Variants in CENPW observed in about 807,000 individuals in gnomAD.
CENPW encodes the protein cancer-up-regulated gene 2 protein.
Under a neutral mutation model 11.1 loss-of-function variants are expected in CENPW, and 3 were observed. The ratio of observed to expected loss-of-function variants is 0.27; its 90% CI spans 0.12 to 0.70. The LOEUF is 0.70. Ranked by LOEUF, CENPW falls within the 30% of genes least tolerant of loss-of-function variation. The probability of loss-of-function intolerance (pLI) is 0.77; values close to 1 mark genes in which losing one functional copy is unlikely to be tolerated. For synonymous variants in CENPW, 38 were observed against 42.0 expected (o/e 0.91, Z 0.37); for missense variants, 100 against 105.6 (o/e 0.95, Z 0.23).
At chr6:126,452,726 A>G in the CENPW span, among the ~76,000 whole-genome samples, 2 of 151,092 alleles carry the variant, frequency 1.3e-5, no homozygotes, top group South Asian at 2.1e-4. Flanking sequence ...TTTGAAAATA[A>G]TGTCTAAAAA....
At chr6:126,357,880 T>C in the CENPW span, among the ~76,000 whole-genome samples, 1 of 152,228 alleles carries the variant, frequency 6.6e-6, no homozygotes, top group African/African-American at 2.4e-5. Flanking sequence ...GTGCTGGAAT[T>C]ACAGGTGTGA....
the CENPW span, among the ~76,000 whole-genome samples, chr6:126,356,695 G>C: frequency 1.6e-4 from 24 of 152,074 alleles, no homozygotes; most frequent in Non-Finnish European, 2.8e-4. Flanking sequence ...TAGTGATGAT[G>C]AATACCTTTT....
At chr6:126,392,625 C>A in the CENPW span, among the ~76,000 whole-genome samples, 1 of 151,938 alleles carries the variant, frequency 6.6e-6, no homozygotes, top group Non-Finnish European at 1.5e-5. Flanking sequence ...ATGTGTTGAA[C>A]CATCCTTGCA....
At chr6:126,386,049 A>G in the CENPW span, among the ~76,000 whole-genome samples, 1 of 152,110 alleles carries the variant, frequency 6.6e-6, no homozygotes, top group Non-Finnish European at 1.5e-5. Context: ...GAAATATAGA[A>G]TATTATAACA....
chr6:126,357,355 C>T, the CENPW span, among the ~76,000 whole-genome samples: 6 of 152,070 alleles, frequency 3.9e-5, no homozygotes, highest in South Asian at 2.1e-4. Flanking sequence ...TTTGGAATCA[C>T]GTGGTATGAT....
the CENPW span, among the ~76,000 whole-genome samples, chr6:126,433,766 T>G: frequency 6.6e-6 from 1 of 152,102 alleles, no homozygotes; most frequent in Non-Finnish European, 1.5e-5. Flanking sequence ...ATAGCAAGTT[T>G]TAGTCTTAAA....
At chr6:126,377,916 A>C in the CENPW span, among the ~76,000 whole-genome samples, 1 of 152,184 alleles carries the variant, frequency 6.6e-6, no homozygotes, top group African/African-American at 2.4e-5. Context: ...GGGAGCACAT[A>C]ACCCCATAAT....
chr6:126,360,375 C>A, the CENPW span, among the ~76,000 whole-genome samples: 1 of 151,986 alleles, frequency 6.6e-6, no homozygotes, highest in Admixed American at 6.6e-5. Flanking sequence ...TTCTCATTGA[C>A]CTTGGAGAAT....
At chr6:126,359,126 A>G in the CENPW span, among the ~76,000 whole-genome samples, 1 of 151,954 alleles carries the variant, frequency 6.6e-6, no homozygotes, top group South Asian at 2.1e-4. Flanking sequence ...GGTAAGTTAT[A>G]TCCCTATTTT....
the CENPW span, among the ~76,000 whole-genome samples, chr6:126,447,790 C>T: frequency 6.6e-6 from 1 of 151,152 alleles, no homozygotes; most frequent in Non-Finnish European, 1.5e-5. Flanking sequence ...CTCTATCTAC[C>T]ACTCCTGAAC....
At chr6:126,366,674 AAGAG>A in the CENPW span, among the ~76,000 whole-genome samples, 1 of 152,230 alleles carries the variant, frequency 6.6e-6, no homozygotes, top group Non-Finnish European at 1.5e-5. Context: ...AGTAGAGTGA[AAGAG>A]AGACACTATC....
the CENPW span, among the ~76,000 whole-genome samples, chr6:126,383,121 A>C: frequency 6.6e-6 from 1 of 152,204 alleles, no homozygotes; most frequent in African/African-American, 2.4e-5. Flanking sequence ...CCTATATTCA[A>C]CATTGATAAA....
At chr6:126,415,695 G>C in the CENPW span, among the ~76,000 whole-genome samples, 1 of 152,130 alleles carries the variant, frequency 6.6e-6, no homozygotes, top group Non-Finnish European at 1.5e-5. Context: ...AGTCTCACAA[G>C]ATCTGATGGT....
At chr6:126,355,165 ACCTACT>A in the CENPW span, among the ~76,000 whole-genome samples, 2 of 152,164 alleles carry the variant, frequency 1.3e-5, no homozygotes, top group African/African-American at 2.4e-5. Flanking sequence ...TAGAAATTGT[ACCTACT>A]ACAGAGTTTA....
downstream of CENPW, among the ~76,000 whole-genome samples, chr6:126,352,189 G>T (rs1217025803): frequency 6.6e-6 from 1 of 152,090 alleles, no homozygotes; most frequent in East Asian, 1.9e-4. Context: ...GCTTATCTGT[G>T]GCTGTTTTCT....
the CENPW span, among the ~76,000 whole-genome samples, chr6:126,410,985 T>C: frequency 6.6e-6 from 1 of 152,186 alleles, no homozygotes; most frequent in African/African-American, 2.4e-5. Context: ...AAGTCATTTA[T>C]TTCCTTTTCA....
the CENPW span, among the ~76,000 whole-genome samples, chr6:126,415,682 A>G: frequency 6.6e-6 from 1 of 152,104 alleles, no homozygotes; most frequent in Non-Finnish European, 1.5e-5. Context: ...ATGATAGTGA[A>G]CAAGTCTCAC....
chr6:126,353,968 CTTAA>C, the CENPW span, among the ~76,000 whole-genome samples: 2 of 151,760 alleles, frequency 1.3e-5, no homozygotes, highest in East Asian at 1.9e-4. Context: ...TGAGGAAATT[CTTAA>C]TTGTTTTATC....
In CENPW at chr6:126,343,571, G is replaced by A. The variant is rs775845877; in HGVS notation, c.127-2634G>A. On this transcript the variant is annotated intron_variant, in intron 1 of 2. Transcript: ENST00000368328. ...CCCAAACCTCAAAAGTAGGGAAGCCGACAGTGCAGCCTTCAGTCTGTGGTC... is the reference window on the plus strand; with the variant it reads ...CCCAAACCTCAAAAGTAGGGAAGCCAACAGTGCAGCCTTCAGTCTGTGGTC... Among the ~76,000 whole-genome samples the A allele has an allele frequency of 2.0e-5, 3 of 152,206 alleles. No individual in the cohort carries two copies. In the South Asian group the frequency reaches 6.2e-4, roughly 32 times the overall value.
Sources: allele counts gnomAD v4.1 joint callset (sites outside exome capture counted in the v4.1 genomes callset), GRCh38; gene constraint gnomAD v4.1.1; transcripts MANE v1.5; gene names NCBI Gene and HGNC (gene_info 2026-07-23, HGNC 2026-07-21).